Variants in ST8SIA5 observed in about 807,000 individuals in gnomAD.
The protein encoded by ST8SIA5 is alpha-2,8-sialyltransferase 8E.
ST8SIA5 carries 24 observed loss-of-function variants against 40.2 expected under a neutral mutation model. The ratio of observed to expected loss-of-function variants is 0.60; its 90% CI spans 0.43 to 0.84. The LOEUF (loss-of-function observed/expected upper bound fraction) is 0.84. Ranked by LOEUF, ST8SIA5 falls within the 40% of genes least tolerant of loss-of-function variation. ST8SIA5 has a pLI of 0.00. For synonymous variants in ST8SIA5, 198 were observed against 201.8 expected, an observed-to-expected ratio of 0.98 and a Z score of 0.16; for missense variants, 465 against 498.5, an observed-to-expected ratio of 0.93 and a Z score of 0.64.
intron 2 of ST8SIA5, among the ~76,000 whole-genome samples, chr18:46,702,260 T>C (rs1348253642): frequency 9.9e-5 from 15 of 152,208 alleles, no homozygotes; most frequent in Non-Finnish European, 2.9e-5. Flanking sequence ...CTGAAAGCTT[T>C]GAATTCTGAG....
chr18:46,681,929 C>G (rs1051566438), intron 6 of ST8SIA5, 43 bp downstream of exon 6: 8 of 1,601,672 alleles, frequency 5.0e-6, no homozygotes, highest in Non-Finnish European at 6.0e-6. Context: ...TGACTATTGG[C>G]TACCATTTTG....
intron 2 of ST8SIA5, among the ~76,000 whole-genome samples, chr18:46,699,767 T>G (rs1447036921): frequency 6.6e-6 from 1 of 152,234 alleles, no homozygotes; most frequent in Non-Finnish European, 1.5e-5. Flanking sequence ...ACATGAGTAC[T>G]GAGCTGGCAT....
At chr18:46,710,375 CTTTCTTTCTTT>C (rs1319549602) in intron 1 of ST8SIA5, among the ~76,000 whole-genome samples, 6 of 63,396 alleles carry the variant, frequency 9.5e-5, no homozygotes, top group Non-Finnish European at 2.1e-4. Flanking sequence ...TTCTTTCTTT[CTTTCTTTCTTT>C]CTTTCTTTCT....
At chr18:46,684,002 T>C (rs985709134) in intron 5 of ST8SIA5, among the ~76,000 whole-genome samples, 2 of 151,876 alleles carry the variant, frequency 1.3e-5, no homozygotes, top group African/African-American at 4.9e-5. Context: ...AGGACATGCC[T>C]AGAACAGGAC....
intron 4 of ST8SIA5, among the ~76,000 whole-genome samples, chr18:46,688,073 T>G (rs2039465923): frequency 6.6e-6 from 1 of 152,232 alleles, no homozygotes; most frequent in African/African-American, 2.4e-5. Context: ...GCTCACTCAC[T>G]GCGGTCCTCA....
At chr18:46,723,879 T>C (rs943158391) in intron 1 of ST8SIA5, among the ~76,000 whole-genome samples, 2 of 151,730 alleles carry the variant, frequency 1.3e-5, no homozygotes, top group African/African-American at 4.9e-5. Flanking sequence ...TGAGCTGAGA[T>C]CGTGCCATTG....
At chr18:46,718,958 C>T (rs2039822674) in intron 1 of ST8SIA5, among the ~76,000 whole-genome samples, 1 of 152,196 alleles carries the variant, frequency 6.6e-6, no homozygotes, top group Admixed American at 6.5e-5. Context: ...GCAGAAGCTG[C>T]TCACACGCCA....
intron 1 of ST8SIA5, among the ~76,000 whole-genome samples, chr18:46,744,451 A>G (rs572641841): frequency 4.6e-5 from 7 of 152,352 alleles, no homozygotes; most frequent in African/African-American, 1.7e-4. Flanking sequence ...GCCAACAAAG[A>G]TCAAAAGAGA....
intron 2 of ST8SIA5, among the ~76,000 whole-genome samples, chr18:46,704,109 T>C (rs963158411): frequency 1.3e-5 from 2 of 152,202 alleles, no homozygotes; most frequent in Admixed American, 1.3e-4. Flanking sequence ...AATAACCATC[T>C]GTACTGCACA....
At chr18:46,682,093 G>A (rs1490704090) in intron 5 of ST8SIA5, 29 bp from the exon 6 acceptor site, 1 of 1,577,688 alleles carries the variant, frequency 6.3e-7, no homozygotes, top group Non-Finnish European at 8.6e-7. Flanking sequence ...AGCCCAAGGT[G>A]GTTGGTCATT....
In ST8SIA5 at chr18:46,686,295, G is replaced by T. The variant is rs779044184; in HGVS notation, c.457-9C>A. 6.2e-7 allele frequency: 1 copy of T among 1,612,846 alleles called. No individual in the cohort carries two copies. ...CGGTAGTAGGGCATGTCCTGGGGGA[G>T]GCACAGGCACAGCTGTCAGAGCCAA... On this transcript the variant is annotated splice_polypyrimidine_tract_variant and intron_variant, in intron 4 of 6. Transcript: ENST00000315087.
At chr18:46,747,529 TCA>T (rs2040152401) in intron 1 of ST8SIA5, among the ~76,000 whole-genome samples, 1 of 152,194 alleles carries the variant, frequency 6.6e-6, no homozygotes, top group African/African-American at 2.4e-5. Context: ...AGATACCATC[TCA>T]CACCAGTTAG....
intron 1 of ST8SIA5, among the ~76,000 whole-genome samples, chr18:46,741,856 C>T (rs1413638398): frequency 6.6e-6 from 1 of 152,100 alleles, no homozygotes; most frequent in Non-Finnish European, 1.5e-5. Flanking sequence ...AATCCCAGCA[C>T]TTTGGGAGGC....
Position 46,680,091 on chromosome 18 carries a change from T to C in ST8SIA5, c.1082A>G (p.His361Arg), listed in dbSNP as rs1257521855. The part of the protein sequence containing the change: ...PSEIFNFLHL[H>R]SRGILRVHTG... ...GTGCACGCGGAGGATGCCTCGGCTG[T>C]GCAAGTGCAGGAAGTTGAAGATCTC... The change falls in exon 7 of 7, where the codon CAC (histidine) becomes CGC (arginine). Residue 361 changes from histidine to arginine, a missense_variant. Physicochemically the swap from His to Arg is conservative, Grantham distance 29 (BLOSUM62 0). Transcript: ENST00000315087. 1 of 1,613,966 alleles carries C rather than the reference T, an allele frequency of 6.2e-7. No homozygotes were observed. Among genetic ancestry groups the C allele is most frequent in the East Asian group, 2.2e-5 (1 of 44,880 alleles).
chr18:46,709,483 A>G (rs1314216789), intron 1 of ST8SIA5, among the ~76,000 whole-genome samples: 2 of 152,210 alleles, frequency 1.3e-5, no homozygotes, highest in Non-Finnish European at 2.9e-5. Flanking sequence ...AGGAAATAAG[A>G]TTTTGAGAAG....
rs909666102 is a variant in ST8SIA5, at chr18:46,673,227, G to A, written c.*6815C>T. On this transcript the variant is annotated 3_prime_UTR_variant, in exon 7 of 7. Transcript: ENST00000315087. ...TAAGATGATAAATTCTATGTTATGT[G>A]TATTTTACCATAATTACAAATGAAA... 2.0e-5 allele frequency: 3 copies of A among 152,156 alleles called. No homozygotes were observed. The highest frequency in any genetic ancestry group is 2.9e-5 in the Non-Finnish European group (2 of 68,030). 9.4% of individuals were successfully genotyped at this position (152,156 alleles called of 1,614,324 possible).
At chr18:46,682,719 A>G (rs988908753) in intron 5 of ST8SIA5, among the ~76,000 whole-genome samples, 1 of 152,222 alleles carries the variant, frequency 6.6e-6, no homozygotes, top group African/African-American at 2.4e-5. Context: ...GCCCTGAGTT[A>G]TCTGGGGGAG....
chr18:46,697,797 A>G (rs2039571112), intron 2 of ST8SIA5, among the ~76,000 whole-genome samples: 1 of 152,214 alleles, frequency 6.6e-6, no homozygotes, highest in African/African-American at 2.4e-5. Context: ...AATGGAGAAG[A>G]AGGAATATAA....
At chr18:46,718,373 T>G (rs1302087615) in intron 1 of ST8SIA5, among the ~76,000 whole-genome samples, 1 of 151,984 alleles carries the variant, frequency 6.6e-6, no homozygotes, top group East Asian at 1.9e-4. Flanking sequence ...ATATGCTCAT[T>G]AAATCAGTTC....
Sources: gnomAD v4.1 joint callset for allele counts (sites outside exome capture counted in the v4.1 genomes callset) on GRCh38, gnomAD v4.1.1 for gene constraint, MANE v1.5 for transcripts, NCBI Gene and HGNC (gene_info 2026-07-23, HGNC 2026-07-21) for gene names.